TTLL8: variants seen among roughly 807,000 people sequenced by gnomAD.
The protein encoded by TTLL8 is tubulin tyrosine ligase like 8, also known as protein monoglycylase TTLL8.
TTLL8 carries 65 observed loss-of-function variants against 77.8 expected under a neutral mutation model. The observed-to-expected ratio is 0.84, with a 90% CI of 0.68 to 1.03. The LOEUF (loss-of-function observed/expected upper bound fraction) is 1.03, where lower values mean the gene tolerates loss of function less well. Among genes scored for constraint, TTLL8 ranks in the 50% least tolerant of loss-of-function variants. TTLL8 has a pLI of 0.00. For synonymous variants in TTLL8, 402 were observed against 422.8 expected (o/e 0.95, Z 0.60); for missense variants, 910 against 1,004.5 (o/e 0.91, Z 1.27).
intron 6 of TTLL8, 188 bp downstream of exon 8, chr22:50,045,067 T>C (rs1000200873): frequency 1.1e-5 from 5 of 445,564 alleles, no homozygotes; most frequent in African/African-American, 1.1e-4. Context: ...GGGGTGACTT[T>C]GACGTTTAGC....
Position 50,045,914 on chromosome 22 carries a change from G to T in TTLL8, c.450C>A (p.Asp150Glu), listed in dbSNP as rs202219781. ...GGCTGTAGCAGCGTGGGAAGAAGGA[G>T]TCGGGGTTGGCCGGGACGTACCAGG... Residue 150 changes from aspartate to glutamate, a missense_variant, in exon 5 of 14, where the codon GAC becomes GAA. By Grantham distance (45) the Asp-to-Glu change is conservative. This residue lies in a region of TTLL8 where 776 missense variants were observed against 926.1 expected (regional missense o/e 0.84). Coordinates refer to ENST00000266182, the Ensembl canonical transcript of TTLL8. 2.2e-6 allele frequency: 3 copies of T among 1,362,250 alleles called. No individual in the cohort carries two copies. The African/African-American group carries it at 4.4e-5, about 20-fold the overall frequency. The allele number at this position is 1,362,250 out of a possible 1,614,324, so 84.4% of individuals were successfully genotyped here.
intron 8 of TTLL8, among the ~76,000 whole-genome samples, chr22:50,035,436 G>A (rs571227370): frequency 6.6e-6 from 1 of 152,312 alleles, no homozygotes; most frequent in South Asian, 2.1e-4. Context: ...GTGGAACTGT[G>A]GCCGGGGGTG....
rs777395788 is a variant in TTLL8 at position 50,041,558 on chromosome 22, C to T, written c.830+63G>A. On this transcript the variant is annotated intron_variant, in intron 7 of 13. Coordinates refer to ENST00000266182, the Ensembl canonical transcript of TTLL8. This position sits in a 1 kb window ranked among gnomAD's most constrained non-coding sequence, Gnocchi z 4.3. ...CCAGTTCCCAGAGGCTGCACTGCCC[C>T]GGCAGCTCCTGCAATCTGCACTCAC... 62 of 1,270,372 alleles carry T rather than the reference C, an allele frequency of 4.9e-5. No homozygotes were observed. The Middle Eastern group carries it at 7.1e-4, about 15-fold the overall frequency. 78.7% of individuals were successfully genotyped at this position (1,270,372 alleles called of 1,614,324 possible).
chr22:50,046,984 A>T, intron 4 of TTLL8, 184 bp downstream of exon 6: 2 of 697,242 alleles, frequency 2.9e-6, no homozygotes, highest in Non-Finnish European at 3.5e-6. Context: ...CAAAGGGCAC[A>T]GGGGTGCTGG....
intron 3 of TTLL8, among the ~76,000 whole-genome samples, chr22:50,048,108 C>T (rs1313356586): frequency 7.7e-6 from 1 of 129,844 alleles, no homozygotes; most frequent in East Asian, 2.2e-4. Flanking sequence ...AAACACCCCC[C>T]CAAAAAAGTG....
In TTLL8 at chr22:50,041,045, C is replaced by T; in HGVS notation, c.921+142G>A. ...CATACATCTGCCAGTCATTCACCAG[C>T]TGCCAAGCTCTGGGCCTCGGCACAC... On this transcript the variant is annotated intron_variant, in intron 8 of 13. Transcript: ENST00000266182. The surrounding 1 kb of genome is among the most constrained non-coding windows in gnomAD (Gnocchi z 4.3). 1 of 311,158 alleles carries T rather than the reference C, an allele frequency of 3.2e-6. No individual in the cohort carries two copies. The highest frequency in any genetic ancestry group is 2.8e-5 in the South Asian group (1 of 35,460). The allele number at this position is 311,158 out of a possible 1,614,324, so 19.3% of individuals were successfully genotyped here.
At chr22:50,056,265 T>G (rs1601942572), upstream of TTLL8, among the ~76,000 whole-genome samples, 2 of 152,078 alleles carry the variant, frequency 1.3e-5, no homozygotes, top group East Asian at 3.9e-4. This position sits in a 1 kb window ranked among gnomAD's most constrained non-coding sequence, Gnocchi z 4.1. Context: ...GGAACCGCAC[T>G]CCGAGAAGGA....
At chr22:50,047,095 T>C (rs975830112) in intron 4 of TTLL8, 73 bp downstream of exon 6, 1 of 1,334,670 alleles carries the variant, frequency 7.5e-7, no homozygotes. Flanking sequence ...CCACCGAGGG[T>C]CCCTAATGGC....
chr22:50,041,204 TG>T lies in TTLL8; in HGVS notation c.903del (p.Thr302GlnfsTer11). 1 of 461,610 alleles carries T rather than the reference TG, an allele frequency of 2.2e-6. No individual in the cohort carries two copies. Among genetic ancestry groups the T allele is most frequent in the Admixed American group, 2.9e-5 (1 of 34,418 alleles). 28.6% of individuals were successfully genotyped at this position (461,610 alleles called of 1,614,324 possible). The stretch of plus-strand genomic sequence containing the variant: ...AACCCCACCTGCCTGTCTCGGGCTG[TG>T]GGGGGCTCAAATGACATCATAACCT... On this transcript the variant is annotated frameshift_variant, in exon 8 of 14. Coordinates refer to ENST00000266182, the Ensembl canonical transcript of TTLL8. LOFTEE classifies it high-confidence loss of function. The surrounding 1 kb of genome is among the most constrained non-coding windows in gnomAD (Gnocchi z 4.3).
chr22:50,058,206 T>C (rs1325715218), upstream of TTLL8, among the ~76,000 whole-genome samples: 1 of 151,484 alleles, frequency 6.6e-6, no homozygotes, highest in East Asian at 1.9e-4. This position sits in a 1 kb window ranked among gnomAD's most constrained non-coding sequence, Gnocchi z 4.2. Flanking sequence ...TGGGGTTGCC[T>C]GGGACAACGT....
intron 10 of TTLL8, among the ~76,000 whole-genome samples, chr22:50,032,792 C>A (rs137903): frequency 0.92 from 139,887 of 152,204 alleles, 64,496 homozygotes; most frequent in African/African-American, 0.98. Context: ...CCTGCCCACG[C>A]GGGGACCCGG....
intron 8 of TTLL8, among the ~76,000 whole-genome samples, chr22:50,040,779 T>A (rs1220059897): frequency 1.3e-5 from 2 of 152,232 alleles, no homozygotes; most frequent in Non-Finnish European, 2.9e-5. Context: ...GCAGACCCTC[T>A]GAAAGAAGTC....
At chr22:50,031,183 C>A (rs1231271657) in intron 11 of TTLL8, among the ~76,000 whole-genome samples, 1 of 152,162 alleles carries the variant, frequency 6.6e-6, no homozygotes, top group Non-Finnish European at 1.5e-5. Context: ...GCTCTTTTCC[C>A]GAGTTTAGCC....
intron 1 of TTLL8, chr22:50,054,543 T>G: frequency 4.7e-6 from 1 of 211,448 alleles, no homozygotes; most frequent in African/African-American, 2.3e-5. Flanking sequence ...ACAGTGAGCG[T>G]CCCTAAGGGG....
chr22:50,055,416 G>A, upstream of TTLL8: 1 of 989,894 alleles, frequency 1.0e-6, no homozygotes, highest in Non-Finnish European at 1.4e-6. Flanking sequence ...CACTGTGGGA[G>A]GCCGAGGTGG....
chr22:50,026,316 G>A (rs1190379903), intron 12 of TTLL8, among the ~76,000 whole-genome samples: 2 of 130,794 alleles, frequency 1.5e-5, no homozygotes, highest in Non-Finnish European at 3.5e-5. Flanking sequence ...CAGAGGGGAG[G>A]GTCAGACACA....
At chr22:50,025,968 A>G (rs137886) in intron 12 of TTLL8, among the ~76,000 whole-genome samples, 71,382 of 151,894 alleles carry the variant, frequency 0.47, 17,378 homozygotes, top group Admixed American at 0.54. Flanking sequence ...TGGAAATGGG[A>G]AGTTTCTTCT....
rs570267705 is a variant in TTLL8 at position 50,049,295 on chromosome 22, T to C, written c.218A>G (p.Asn73Ser). The change falls in exon 3 of 14, where the codon AAT becomes AGT. Residue 73 changes from asparagine to serine, a missense_variant. This residue lies in a region of TTLL8 where 776 missense variants were observed against 926.1 expected (regional missense o/e 0.84). Transcript: ENST00000266182. ...TGTTTTCTCCAAAGCCATTTCTTGA[T>C]TTTCTTTGACTTTGGCACATGTATC... 5.0e-5 allele frequency: 69 copies of C among 1,367,648 alleles called. 2 individuals carry two copies. The South Asian group carries it at 7.4e-4, about 15-fold the overall frequency. 84.7% of individuals were successfully genotyped at this position (1,367,648 alleles called of 1,614,324 possible). A position where few individuals can be genotyped will look rare whatever the true frequency, so the allele number is the denominator to read the frequency against.
At chr22:50,056,964 C>T, upstream of TTLL8, 1 of 1,289,702 alleles carries the variant, frequency 7.8e-7, no homozygotes. This position sits in a 1 kb window ranked among gnomAD's most constrained non-coding sequence, Gnocchi z 4.1. Context: ...GCCCTTTGCT[C>T]CTCTGACCCC....
Sources: allele counts gnomAD v4.1 joint callset (sites outside exome capture counted in the v4.1 genomes callset), GRCh38; gene constraint gnomAD v4.1.1; regional missense constraint gnomAD v4.1.1; non-coding constraint Gnocchi (gnomAD v3.1); transcripts MANE v1.5; gene names NCBI Gene and HGNC (gene_info 2026-07-23, HGNC 2026-07-21).